The following TDRD12 variants were observed in gnomAD, a reference collection of about 807,000 sequenced individuals.
TDRD12 encodes tudor domain containing 12.
In TDRD12, 158 loss-of-function variants were observed where a neutral mutation model predicts 133.5. The ratio of observed to expected loss-of-function variants is 1.18; its 90% CI spans 1.04 to 1.35. The LOEUF (loss-of-function observed/expected upper bound fraction) is 1.35. Among genes scored for constraint, TDRD12 ranks in the 40% most tolerant of loss-of-function variants. The pLI, the probability that TDRD12 is intolerant of heterozygous loss-of-function variation, is 0.00. For synonymous variants in TDRD12, 460 were observed against 477.9 expected, an observed-to-expected ratio of 0.96 and a Z score of 0.49; for missense variants, 1,443 against 1,321.3, an observed-to-expected ratio of 1.09 and a Z score of -1.43.
chr19:32,810,097 T>C, exon 23 of TDRD12: 1 of 1,516,408 alleles, frequency 6.6e-7, no homozygotes, highest in Non-Finnish European at 8.8e-7. Context: ...TTTCAGATAA[T>C]ACCTTTTTAT....
intron 1 of TDRD12, among the ~76,000 whole-genome samples, chr19:32,722,762 C>T (rs1368313821): frequency 2.0e-5 from 3 of 151,428 alleles, no homozygotes; most frequent in Admixed American, 6.6e-5. Context: ...TCACTGCAAC[C>T]TCCGCCTCCC....
intron 10 of TDRD12, 89 bp from the exon 11 acceptor site, chr19:32,777,060 A>G: frequency 5.9e-6 from 5 of 851,822 alleles, no homozygotes; most frequent in Non-Finnish European, 5.4e-6. Flanking sequence ...GGCATTTTTT[A>G]TTTTTTTATT....
chr19:32,729,086 A>C (rs1352195217), intron 1 of TDRD12, among the ~76,000 whole-genome samples: 2 of 147,610 alleles, frequency 1.4e-5, no homozygotes, highest in Non-Finnish European at 3.0e-5. Context: ...TTTGTTTTCA[A>C]CTCACTCTAA....
At chr19:32,790,716 C>A (rs1452066002) in intron 12 of TDRD12, 125 bp downstream of exon 12, 2 of 1,546,544 alleles carry the variant, frequency 1.3e-6, no homozygotes, top group Admixed American at 4.0e-5. Context: ...GGGACTTAAC[C>A]TGAAGACATC....
In TDRD12 at chr19:32,821,151, G is replaced by A. The variant is rs983279432; in HGVS notation, c.3502G>A (p.Val1168Ile). Residue 1168 changes from valine (V) to isoleucine (I), a missense_variant, in exon 28 of 28, where the codon GTA becomes ATA. Val to Ile is a conservative substitution (Grantham distance 29). Transcript: ENST00000444215. ...AAACCAGAAGCCTGGTGGGTACTTG[G>A]TATTCAAAAGATGGTTAAGTTCAAA... 3.9e-6 allele frequency: 6 copies of A among 1,528,946 alleles called. No homozygotes were observed. Among genetic ancestry groups the A allele is most frequent in the Non-Finnish European group, 5.3e-6 (6 of 1,141,734 alleles). The allele number at this position is 1,528,946 out of a possible 1,614,324, so 94.7% of individuals were successfully genotyped here.
At chr19:32,754,868 G>A (rs1162066132) in intron 6 of TDRD12, among the ~76,000 whole-genome samples, 26 of 151,874 alleles carry the variant, frequency 1.7e-4, no homozygotes, top group Admixed American at 1.7e-3. Flanking sequence ...GTAGAGACGG[G>A]GTTTCTCCAT....
chr19:32,811,416 C>A, exon 24 of TDRD12: 1 of 1,535,842 alleles, frequency 6.5e-7, no homozygotes, highest in South Asian at 1.2e-5. Context: ...GAATGGAATC[C>A]GAAGGTGGGT....
intron 12 of TDRD12, 124 bp downstream of exon 12, chr19:32,790,715 C>A (rs932968079): frequency 2.6e-6 from 4 of 1,547,730 alleles, no homozygotes; most frequent in Non-Finnish European, 3.5e-6. Flanking sequence ...GGGGACTTAA[C>A]CTGAAGACAT....
At chr19:32,818,961 C>T (rs1967284224) in intron 27 of TDRD12, among the ~76,000 whole-genome samples, 1 of 152,040 alleles carries the variant, frequency 6.6e-6, no homozygotes, top group Non-Finnish European at 1.5e-5. Flanking sequence ...GTTTAGTGGC[C>T]TGCTGGGTTA....
chr19:32,764,363 G>A (rs1970236856), intron 8 of TDRD12, among the ~76,000 whole-genome samples: 1 of 152,040 alleles, frequency 6.6e-6, no homozygotes, highest in African/African-American at 2.4e-5. Context: ...GCCCACCTCA[G>A]CCTCCTAAAG....
intron 11 of TDRD12, among the ~76,000 whole-genome samples, chr19:32,785,922 C>T (rs1970896188): frequency 6.6e-6 from 1 of 152,074 alleles, no homozygotes; most frequent in Non-Finnish European, 1.5e-5. Flanking sequence ...GGCATTTAGG[C>T]CATTTACATT....
downstream of TDRD12, among the ~76,000 whole-genome samples, chr19:32,821,768 C>A (rs1211773438): frequency 2.0e-5 from 3 of 152,162 alleles, no homozygotes; most frequent in Non-Finnish European, 4.4e-5. Context: ...TTTTCTTAAT[C>A]TTGGAAAGTA....
intron 4 of TDRD12, among the ~76,000 whole-genome samples, chr19:32,747,976 C>T (rs561633160): frequency 2.0e-5 from 3 of 152,274 alleles, no homozygotes; most frequent in East Asian, 3.9e-4. Flanking sequence ...GTTCATGCCA[C>T]TGCACTCCAG....
intron 21 of TDRD12, among the ~76,000 whole-genome samples, chr19:32,805,451 C>A (rs770290450): frequency 2.0e-4 from 31 of 151,346 alleles, no homozygotes; most frequent in Non-Finnish European, 3.7e-4. Context: ...TTGATTTTTC[C>A]ATATGGATAA....
intron 9 of TDRD12, 97 bp from the exon 33 acceptor site, chr19:32,827,067 C>T: frequency 1.8e-6 from 1 of 570,726 alleles, no homozygotes; most frequent in Non-Finnish European, 2.6e-6. Context: ...GAGCTGGAAC[C>T]CAAGGCATTT....
intron 19 of TDRD12, 21 bp downstream of exon 19, chr19:32,801,894 T>C: frequency 1.1e-6 from 1 of 931,368 alleles, no homozygotes; most frequent in Non-Finnish European, 1.6e-6. Flanking sequence ...TAATTTCTAC[T>C]TCTATTTAGT....
intron 6 of TDRD12, 143 bp from the exon 7 acceptor site, chr19:32,755,849 G>A: frequency 1.7e-6 from 1 of 589,750 alleles, no homozygotes; most frequent in South Asian, 2.9e-5. Flanking sequence ...ACCAGAGCAG[G>A]AGTCAAATCT....
intron 2 of TDRD12, among the ~76,000 whole-genome samples, chr19:32,738,052 G>A (rs1027207715): frequency 4.6e-5 from 7 of 151,910 alleles, no homozygotes; most frequent in Non-Finnish European, 8.8e-5. Flanking sequence ...CAGGAGAATC[G>A]CTTGAGCCCG....
At chr19:32,759,571 A>G (rs1321362182) in intron 8 of TDRD12, among the ~76,000 whole-genome samples, 1 of 152,076 alleles carries the variant, frequency 6.6e-6, no homozygotes, top group African/African-American at 2.4e-5. Context: ...GTGAACCAAG[A>G]TTGTGCCACT....
Sources: gnomAD v4.1 joint callset for allele counts (sites outside exome capture counted in the v4.1 genomes callset) on GRCh38, gnomAD v4.1.1 for gene constraint, MANE v1.5 for transcripts, NCBI Gene and HGNC (gene_info 2026-07-23, HGNC 2026-07-21) for gene names.